ABI3BP: variants seen among roughly 807,000 people sequenced by gnomAD.
ABI3BP encodes the protein target of Nesh-SH3.
In ABI3BP, 216 loss-of-function variants were observed where a neutral mutation model predicts 268.6. The ratio of observed to expected loss-of-function variants is 0.80; its 90% CI spans 0.72 to 0.90. The LOEUF (loss-of-function observed/expected upper bound fraction) is 0.90. Among genes scored for constraint, ABI3BP ranks in the 40% least tolerant of loss-of-function variants. The pLI is 0.00. For synonymous variants in ABI3BP, 730 were observed against 730.0 expected (o/e 1.00, Z 0.00); for missense variants, 2,090 against 2,182.4 (o/e 0.96, Z 0.84).
At chr3:100,921,127 G>A (rs548571408) in intron 2 of ABI3BP, among the ~76,000 whole-genome samples, 1 of 152,354 alleles carries the variant, frequency 6.6e-6, no homozygotes, top group South Asian at 2.1e-4. Context: ...AGAAATGAGT[G>A]TGAGGGTTAG....
At chr3:100,977,614 C>G (rs539913656) in intron 1 of ABI3BP, among the ~76,000 whole-genome samples, 45 of 152,274 alleles carry the variant, frequency 3.0e-4, no homozygotes, top group African/African-American at 1.0e-3. Context: ...ATTGGGTGAT[C>G]CAAGAAAATG....
At chr3:100,990,713 A>G (rs1190767448) in intron 1 of ABI3BP, among the ~76,000 whole-genome samples, 1 of 152,078 alleles carries the variant, frequency 6.6e-6, no homozygotes, top group African/African-American at 2.4e-5. Flanking sequence ...GGTAGCATTC[A>G]CATGTACACT....
chr3:100,780,033 T>C lies in ABI3BP; in HGVS notation c.4240+99A>G, dbSNP rs527886195. 2.1e-4 allele frequency: 217 copies of C among 1,010,664 alleles called. 2 individuals are homozygous for C. In the South Asian group the frequency reaches 2.8e-3, roughly 13 times the overall value. The allele number at this position is 1,010,664 out of a possible 1,614,324, so 62.6% of individuals were successfully genotyped here. ...TGTGTGGTTCTGATACTTCGGGGGC[T>C]GTGTGGATGTTGCTGTTTTTGCCAC... is the stretch of plus-strand genomic sequence containing the variant. On this transcript the variant is annotated intron_variant, in intron 58 of 67. Coordinates refer to ENST00000471714, the MANE Select transcript of ABI3BP (RefSeq NM_001375547.2).
At position 100,847,940 on chromosome 3, in the gene ABI3BP, A is replaced by T. The variant is rs538626878; in HGVS notation, c.1577-267T>A. Among the ~76,000 whole-genome samples, 6 of 152,350 alleles carry T rather than the reference A, an allele frequency of 3.9e-5. No individual in the cohort carries two copies. In the South Asian group the frequency reaches 6.2e-4, roughly 16 times the overall value. On this transcript the variant is annotated intron_variant, in intron 18 of 67. Coordinates refer to ENST00000471714, the MANE Select transcript of ABI3BP (RefSeq NM_001375547.2). ...GTTTGACAATGAAGAATTGACCTCC[A>T]GGTTAATAAGCATCTGTACCACCCA...
Position 100,851,943 on chromosome 3 carries a change from T to TAAAAAAAA in ABI3BP, c.1286-11_1286-4dup. ...GCTTGAGAAAACATCATAAGTTGCT[T>TAAAAAAAA]AAAAAAAAAAAAAAGGCAAAACAAG... On this transcript the variant is annotated splice_polypyrimidine_tract_variant and splice_region_variant and intron_variant, in intron 14 of 67. Transcript: ENST00000471714. 7.2e-7 allele frequency: 1 copy of TAAAAAAAA among 1,391,362 alleles called. No homozygotes were observed. Among genetic ancestry groups the TAAAAAAAA allele is most frequent in the Non-Finnish European group, 9.6e-7 (1 of 1,042,244 alleles). 86.2% of individuals were successfully genotyped at this position (1,391,362 alleles called of 1,614,324 possible).
At chr3:100,837,425 T>C (rs1222803736) in intron 26 of ABI3BP, 3 of 363,502 alleles carry the variant, frequency 8.3e-6, no homozygotes, top group East Asian at 9.5e-5. Flanking sequence ...AAATATCTTC[T>C]TATGTGGTAG....
rs144550588 is a variant in ABI3BP at position 100,970,303 on chromosome 3, T to C, written c.79+23003A>G. On this transcript the variant is annotated intron_variant, in intron 1 of 67. Coordinates refer to ENST00000471714, the MANE Select transcript of ABI3BP (RefSeq NM_001375547.2). ...CAGTGGTAAAATCAGAAGCATCAATTTGACTTTGAAATATATTGCTTTTGT... is the reference window on the plus strand; with the variant it reads ...CAGTGGTAAAATCAGAAGCATCAATCTGACTTTGAAATATATTGCTTTTGT... Among the ~76,000 whole-genome samples, 268 of 152,332 alleles carry C rather than the reference T, an allele frequency of 1.8e-3. 1 individual carries two copies. Among genetic ancestry groups the C allele is most frequent in the African/African-American group, 6.1e-3 (252 of 41,584 alleles).
At chr3:100,869,713 A>G (rs2099091839) in intron 9 of ABI3BP, among the ~76,000 whole-genome samples, 1 of 152,122 alleles carries the variant, frequency 6.6e-6, no homozygotes, top group Non-Finnish European at 1.5e-5. Context: ...TGGGGAGGGT[A>G]TTTGAATGGG....
At chr3:100,886,491 A>G (rs1400293835) in intron 4 of ABI3BP, among the ~76,000 whole-genome samples, 168 bp from the exon 5 acceptor site, 2 of 151,968 alleles carry the variant, frequency 1.3e-5, no homozygotes, top group Non-Finnish European at 2.9e-5. Context: ...AATAAGCTCA[A>G]CGTGTGCTTA....
intron 51 of ABI3BP, among the ~76,000 whole-genome samples, chr3:100,802,690 T>A (rs533302206): frequency 1.5e-4 from 23 of 152,280 alleles, no homozygotes; most frequent in Admixed American, 1.4e-3. Flanking sequence ...GGTCAAGAAA[T>A]TGAAGTTTGT....
chr3:100,786,882 C>T (rs1469204669), intron 57 of ABI3BP, among the ~76,000 whole-genome samples: 2 of 152,054 alleles, frequency 1.3e-5, no homozygotes, highest in Non-Finnish European at 2.9e-5. Flanking sequence ...CTGTAATAAT[C>T]AAGTACAAAA....
intron 1 of ABI3BP, among the ~76,000 whole-genome samples, chr3:100,974,092 A>C (rs899150962): frequency 6.6e-6 from 1 of 152,176 alleles, no homozygotes; most frequent in African/African-American, 2.4e-5. Context: ...ATAAAAACAC[A>C]AAATAAAAAA....
intron 33 of ABI3BP, 37 bp from the exon 34 acceptor site, chr3:100,828,489 C>T (rs749833852): frequency 3.4e-6 from 5 of 1,488,092 alleles, no homozygotes; most frequent in East Asian, 4.9e-5. Flanking sequence ...ACCAACAAAA[C>T]ATTAAAAATT....
chr3:100,792,121 C>T (rs1349222908), intron 55 of ABI3BP, among the ~76,000 whole-genome samples: 2 of 151,756 alleles, frequency 1.3e-5, no homozygotes, highest in Non-Finnish European at 2.9e-5. Context: ...TGAGATAGAG[C>T]TTTGTGTAGG....
rs535715264 is a variant in ABI3BP, at chr3:100,756,041, A to C, written c.4851-1350T>G. Reference sequence around the variant, plus strand: ...TGTGTTAACATTGCTAGTATCTAAGAACAGATTCTAGTGCTACAACAATGG... The same window carrying C: ...TGTGTTAACATTGCTAGTATCTAAGCACAGATTCTAGTGCTACAACAATGG... On this transcript the variant is annotated intron_variant, in intron 63 of 67. Coordinates refer to ENST00000471714, the MANE Select transcript of ABI3BP (RefSeq NM_001375547.2). Among the ~76,000 whole-genome samples, 46 of 152,354 alleles carry C rather than the reference A, an allele frequency of 3.0e-4. No individual in the cohort carries two copies. The South Asian group carries it at 9.5e-3, about 32-fold the overall frequency.
At chr3:100,933,031 A>G (rs529108100) in intron 1 of ABI3BP, among the ~76,000 whole-genome samples, 2 of 152,104 alleles carry the variant, frequency 1.3e-5, no homozygotes, top group Non-Finnish European at 2.9e-5. Context: ...AGGTTATCTT[A>G]CATTCTCCAG....
intron 1 of ABI3BP, among the ~76,000 whole-genome samples, chr3:100,953,190 C>A (rs921255802): frequency 6.6e-6 from 1 of 152,290 alleles, no homozygotes; most frequent in African/African-American, 2.4e-5. Flanking sequence ...AAAAGACCAG[C>A]CAGTCTTCCA....
At chr3:100,847,134 AAACACATTTT>A (rs1186628974) in intron 19 of ABI3BP, among the ~76,000 whole-genome samples, 1 of 152,180 alleles carries the variant, frequency 6.6e-6, no homozygotes, top group East Asian at 1.9e-4. Flanking sequence ...CTGTCTACCT[AAACACATTTT>A]AATAAGAAAA....
chr3:100,818,497 C>G, intron 41 of ABI3BP, 28 bp downstream of exon 41: 1 of 1,519,356 alleles, frequency 6.6e-7, no homozygotes, highest in Non-Finnish European at 8.8e-7. Flanking sequence ...AGGAAAAGCA[C>G]TATTTGAAGG....
Sources: gnomAD v4.1 joint callset for allele counts (sites outside exome capture counted in the v4.1 genomes callset) on GRCh38, gnomAD v4.1.1 for gene constraint, MANE v1.5 for transcripts, NCBI Gene and HGNC (gene_info 2026-07-23, HGNC 2026-07-21) for gene names.